The following CNNM4 variants were observed in gnomAD, a reference collection of about 807,000 sequenced individuals.
CNNM4 encodes cyclin and CBS domain divalent metal cation transport mediator 4.
Under a neutral mutation model 53.7 loss-of-function variants are expected in CNNM4, and 32 were observed. The observed-to-expected ratio is 0.60, with a 90% CI of 0.45 to 0.80. CNNM4 has a LOEUF of 0.80. Among genes scored for constraint, CNNM4 ranks in the 30% least tolerant of loss-of-function variants. The pLI is 0.00. For missense variants in CNNM4, 784 were observed against 1,022.0 expected, an observed-to-expected ratio of 0.77 and a Z score of 3.17; for synonymous variants, 410 against 440.0, an observed-to-expected ratio of 0.93 and a Z score of 0.85.
intron 5 of CNNM4, among the ~76,000 whole-genome samples, chr2:96,804,779 G>A (rs1048300350): frequency 6.6e-6 from 1 of 151,196 alleles, no homozygotes; most frequent in South Asian, 2.1e-4. Context: ...TAGGTGATCC[G>A]CCCGCCTCAG....
At chr2:96,786,996 T>C (rs2079021979) in intron 1 of CNNM4, among the ~76,000 whole-genome samples, 1 of 152,200 alleles carries the variant, frequency 6.6e-6, no homozygotes, top group Admixed American at 6.5e-5. Flanking sequence ...CTTCCTACTC[T>C]ACTGTTTTGG....
intron 3 of CNNM4, among the ~76,000 whole-genome samples, chr2:96,798,097 C>A (rs941376422): frequency 1.3e-5 from 2 of 151,858 alleles, no homozygotes; most frequent in African/African-American, 4.8e-5. Context: ...TGAGGTGGGA[C>A]AGTTGCATGT....
At chr2:96,770,764 T>C (rs989984439) in intron 1 of CNNM4, among the ~76,000 whole-genome samples, 6 of 152,194 alleles carry the variant, frequency 3.9e-5, no homozygotes, top group African/African-American at 9.6e-5. Flanking sequence ...TCCAGTCTCC[T>C]TGAGGGCAGG....
At chr2:96,772,258 ACCCCATGCGCG>A (rs2078879513) in intron 1 of CNNM4, among the ~76,000 whole-genome samples, 1 of 119,594 alleles carries the variant, frequency 8.4e-6, no homozygotes, top group Non-Finnish European at 1.7e-5. Flanking sequence ...GCGCTTACAC[ACCCCATGCGCG>A]CACACACACT....
intron 3 of CNNM4, chr2:96,798,152 G>A (rs547996310): frequency 3.0e-5 from 7 of 236,912 alleles, no homozygotes; most frequent in Admixed American, 1.0e-4. Flanking sequence ...AGGACCGCTT[G>A]AGCCCAGGAG....
rs2079149167 is a variant in CNNM4, at chr2:96,800,484, G to C, written c.1948+836G>C. Among the ~76,000 whole-genome samples, 1 of 152,206 alleles carries C rather than the reference G, an allele frequency of 6.6e-6. No individual in the cohort carries two copies. The highest frequency in any genetic ancestry group is 1.5e-5 in the Non-Finnish European group (1 of 68,022). On this transcript the variant is annotated intron_variant, in intron 5 of 6. Transcript: ENST00000377075. The surrounding 1 kb of genome is among the most constrained non-coding windows in gnomAD (Gnocchi z 4.6). ...CCTTTGACAAAAAGGACCCCGAGGG[G>C]GAACGGGGGTAGGGCACCCATGAAT... is the stretch of plus-strand genomic sequence containing the variant.
chr2:96,801,744 A>G lies in CNNM4; in HGVS notation c.1948+2096A>G, dbSNP rs1045090265. Among the ~76,000 whole-genome samples, 33 of 151,784 alleles carry G rather than the reference A, an allele frequency of 2.2e-4. No homozygotes were observed. The highest frequency in any genetic ancestry group is 7.7e-4 in the African/African-American group (32 of 41,326). Reference sequence around the variant, plus strand: ...ACATGCAGAGACCACACACACCCAGAGACCACACACCCAGACACACACACA... The same window carrying G: ...ACATGCAGAGACCACACACACCCAGGGACCACACACCCAGACACACACACA... On this transcript the variant is annotated intron_variant, in intron 5 of 6. Coordinates refer to ENST00000377075, the MANE Select transcript of CNNM4 (RefSeq NM_020184.4). This position sits in a 1 kb window ranked among gnomAD's most constrained non-coding sequence, Gnocchi z 5.6.
Position 96,809,723 on chromosome 2 carries a change from G to A in CNNM4, c.*206G>A. On this transcript the variant is annotated 3_prime_UTR_variant, in exon 7 of 7. Coordinates refer to ENST00000377075, the MANE Select transcript of CNNM4 (RefSeq NM_020184.4). ...GTGGCACTGTCCAGCCCTGGATAGG[G>A]GGGGCAGTGGGCCAGCTACCGTAAG... 2.0e-6 allele frequency: 1 copy of A among 512,404 alleles called. No individual in the cohort carries two copies. The highest frequency in any genetic ancestry group is 3.5e-6 in the Non-Finnish European group (1 of 288,858). The allele number at this position is 512,404 out of a possible 1,614,324, so 31.7% of individuals were successfully genotyped here.
intron 1 of CNNM4, among the ~76,000 whole-genome samples, chr2:96,795,712 G>A (rs1450261607): frequency 1.3e-5 from 2 of 152,162 alleles, no homozygotes; most frequent in African/African-American, 4.8e-5. Flanking sequence ...TGAAGGGGAA[G>A]CCATGCAGAA....
chr2:96,762,473 T>G, intron 1 of CNNM4, 72 bp downstream of exon 1: 1 of 1,408,796 alleles, frequency 7.1e-7, no homozygotes, highest in South Asian at 1.2e-5. Flanking sequence ...GTTTTGTGTC[T>G]GCTGGCTTTA....
chr2:96,784,971 G>A (rs1286225395), intron 1 of CNNM4, among the ~76,000 whole-genome samples: 2 of 152,164 alleles, frequency 1.3e-5, no homozygotes, highest in Non-Finnish European at 2.9e-5. Flanking sequence ...TCTGCCTCCC[G>A]GGTTCAAGCG....
At position 96,808,999 on chromosome 2, in the gene CNNM4, C is replaced by T. The variant is rs369472918; in HGVS notation, c.2130+257C>T. Among the ~76,000 whole-genome samples, 19 of 144,404 alleles carry T rather than the reference C, an allele frequency of 1.3e-4. No individual in the cohort carries two copies. The highest frequency in any genetic ancestry group is 3.4e-4 in the African/African-American group (12 of 35,760). 94.7% of individuals were successfully genotyped at this position (144,404 alleles called of 152,430 possible). A position where few individuals can be genotyped will look rare whatever the true frequency, so the allele number is the denominator to read the frequency against. On this transcript the variant is annotated intron_variant, in intron 6 of 6. Coordinates refer to ENST00000377075, the MANE Select transcript of CNNM4 (RefSeq NM_020184.4). This position sits in a 1 kb window ranked among gnomAD's most constrained non-coding sequence, Gnocchi z 4.9. ...GGGACTACAGGTGTGCATGTGGCTT[C>T]GGGTTTTTTTTTTTTTTCCCCTTAT...
rs1348884111 is a variant in CNNM4 at position 96,797,595 on chromosome 2, A to G, written c.1629A>G (p.Lys543=). ...TCAAGGATGCGGACAATGAGCTCAA[A>G]GTGAAAATCTCCCCGCAGCTCCTCC... ...SAFKDADNEL[K]VKISPQLLLA... Residue 543 remains lysine (K), a synonymous_variant, in exon 3 of 7, where the codon AAA becomes AAG. Coordinates refer to ENST00000377075, the MANE Select transcript of CNNM4 (RefSeq NM_020184.4). This position sits in a 1 kb window ranked among gnomAD's most constrained non-coding sequence, Gnocchi z 6.0. 1 of 1,614,180 alleles carries G rather than the reference A, an allele frequency of 6.2e-7. No homozygotes were observed. Among genetic ancestry groups the G allele is most frequent in the Non-Finnish European group, 8.5e-7 (1 of 1,180,036 alleles).
At chr2:96,807,519 G>T (rs1006631977) in intron 5 of CNNM4, among the ~76,000 whole-genome samples, 4 of 152,014 alleles carry the variant, frequency 2.6e-5, no homozygotes, top group Non-Finnish European at 5.9e-5. Context: ...GACAGAGTAA[G>T]ACTCCATCTC....
At chr2:96,767,478 C>T (rs931212201) in intron 1 of CNNM4, among the ~76,000 whole-genome samples, 1 of 152,208 alleles carries the variant, frequency 6.6e-6, no homozygotes, top group Admixed American at 6.5e-5. Flanking sequence ...CACCACTCTC[C>T]CAGACCCTGA....
At chr2:96,762,928 G>A (rs2078778952) in intron 1 of CNNM4, among the ~76,000 whole-genome samples, 1 of 152,090 alleles carries the variant, frequency 6.6e-6, no homozygotes, top group African/African-American at 2.4e-5. Flanking sequence ...TGGGTATAGT[G>A]GCTCTGATGC....
intron 1 of CNNM4, among the ~76,000 whole-genome samples, chr2:96,766,895 C>T (rs1436781580): frequency 6.6e-6 from 1 of 152,052 alleles, no homozygotes; most frequent in Non-Finnish European, 1.5e-5. Context: ...GTGCACTTAC[C>T]GGGTTCAGAG....
rs2079248953 is a variant in CNNM4 at position 96,810,605 on chromosome 2, A to C, written c.*1088A>C. On this transcript the variant is annotated 3_prime_UTR_variant, in exon 7 of 7. Transcript: ENST00000377075. This position sits in a 1 kb window ranked among gnomAD's most constrained non-coding sequence, Gnocchi z 4.1. ...CCAGACCCCTTATTTCGAATCCCCAAGCTTCAGTCCCTCTTGGGGGTGGAG... is the reference window on the plus strand; with the variant it reads ...CCAGACCCCTTATTTCGAATCCCCACGCTTCAGTCCCTCTTGGGGGTGGAG... The C allele has an allele frequency of 6.6e-6, 1 of 152,538 alleles. No individual in the cohort carries two copies. The highest frequency in any genetic ancestry group is 2.4e-5 in the African/African-American group (1 of 41,436). The allele number at this position is 152,538 out of a possible 1,614,324, so 9.4% of individuals were successfully genotyped here.
rs1349604546 is a variant in CNNM4 at position 96,787,173 on chromosome 2, C to A, written c.1403-9839C>A. On this transcript the variant is annotated intron_variant, in intron 1 of 6. Coordinates refer to ENST00000377075, the MANE Select transcript of CNNM4 (RefSeq NM_020184.4). The stretch of plus-strand genomic sequence containing the variant: ...TGTTTCCTTTGTATTAAGGTCACTT[C>A]CTAGGGTTGGGAGAAATGGCAGAGT... 2.6e-5 allele frequency among the ~76,000 whole-genome samples: 4 copies of A among 152,292 alleles called. No homozygotes were observed. In the East Asian group the frequency reaches 7.7e-4, roughly 29 times the overall value.
Sources: gnomAD v4.1 joint callset for allele counts (sites outside exome capture counted in the v4.1 genomes callset) on GRCh38, gnomAD v4.1.1 for gene constraint, Gnocchi (gnomAD v3.1) non-coding constraint, MANE v1.5 for transcripts, NCBI Gene and HGNC (gene_info 2026-07-23, HGNC 2026-07-21) for gene names.